ENKUR: variants seen among roughly 807,000 people sequenced by gnomAD.
The protein encoded by ENKUR is enkurin.
ENKUR carries 19 observed loss-of-function variants against 27.6 expected under a neutral mutation model. The ratio of observed to expected loss-of-function variants is 0.69; its 90% confidence interval spans 0.48 to 1.01. The LOEUF (loss-of-function observed/expected upper bound fraction) is 1.01, where lower values mean the gene tolerates loss of function less well. Ranked by LOEUF, ENKUR falls within the 50% of genes least tolerant of loss-of-function variation. The pLI is 0.00. For missense variants in ENKUR, 312 were observed against 310.5 expected (o/e 1.00, Z -0.04); for synonymous variants, 117 against 96.9 (o/e 1.21, Z -1.22).
At chr10:25,033,012 TACTA>T (rs1850954406) in intron 2 of ENKUR, among the ~76,000 whole-genome samples, 1 of 152,208 alleles carries the variant, frequency 6.6e-6, no homozygotes, top group Non-Finnish European at 1.5e-5. Flanking sequence ...ATTAATATAT[TACTA>T]AATGATGATT....
At chr10:25,005,844 C>T (rs1019495879) in intron 1 of ENKUR, among the ~76,000 whole-genome samples, 7 of 152,200 alleles carry the variant, frequency 4.6e-5, no homozygotes, top group African/African-American at 1.7e-4. Context: ...CAGTACCTCT[C>T]ACAAGCTGTT....
chr10:24,990,652 C>A (rs1849907621), intron 3 of ENKUR, 43 bp from the exon 4 acceptor site: 2 of 1,557,430 alleles, frequency 1.3e-6, no homozygotes. Context: ...ATTTTGTATG[C>A]AATCTTACAT....
intron 2 of ENKUR, among the ~76,000 whole-genome samples, chr10:24,997,786 T>C (rs980731719): frequency 2.6e-5 from 4 of 151,034 alleles, no homozygotes; most frequent in African/African-American, 9.9e-5. Flanking sequence ...TCTTCCTTTT[T>C]TCTTATTTGA....
chr10:25,027,813 A>C (rs1850885541), intron 2 of ENKUR, among the ~76,000 whole-genome samples: 2 of 152,096 alleles, frequency 1.3e-5, no homozygotes, highest in Non-Finnish European at 2.9e-5. Flanking sequence ...CACACCATGC[A>C]CTCCAGCCTA....
At chr10:25,018,664 T>G (rs5783913), upstream of ENKUR, among the ~76,000 whole-genome samples, 20,767 of 83,828 alleles carry the variant, frequency 0.25, 3,277 homozygotes, top group African/African-American at 0.5. Flanking sequence ...GAGTTGTTTT[T>G]TTTTTTTTTT....
At chr10:24,988,541 T>G (rs888995189) in intron 4 of ENKUR, among the ~76,000 whole-genome samples, 23 of 147,402 alleles carry the variant, frequency 1.6e-4, no homozygotes, top group Non-Finnish European at 2.5e-4. Flanking sequence ...TCTATGTACA[T>G]GTAGAGATAT....
At chr10:25,056,470 G>T (rs1443285047) in intron 2 of ENKUR, among the ~76,000 whole-genome samples, 1 of 152,142 alleles carries the variant, frequency 6.6e-6, no homozygotes, top group Non-Finnish European at 1.5e-5. Flanking sequence ...GCTTTAAAAA[G>T]GTAGAACTTC....
Position 24,999,455 on chromosome 10 carries a change from G to T in ENKUR, c.169C>A (p.Pro57Thr), listed in dbSNP as rs1850140132. The T allele has an allele frequency of 6.2e-7, 1 of 1,613,284 alleles. No homozygotes were observed. Among genetic ancestry groups the T allele is most frequent in the Non-Finnish European group, 8.5e-7 (1 of 1,179,696 alleles). ...TTCTTTAGGAAATCCTTTGGAGAAG[G>T]TACTTCAACTTTTGCTGGTCCCATA... Reference protein sequence around the residue: ...KTMGPAKVEVPSPKDFLKKHS... With the variant: ...KTMGPAKVEVTSPKDFLKKHS... Residue 57 changes from proline (P) to threonine (T), a missense_variant, in exon 2 of 6, where the codon CCT (proline) becomes ACT (threonine). Physicochemically the swap from Pro to Thr is conservative, Grantham distance 38 (BLOSUM62 -1). Transcript: ENST00000331161.
intron 1 of ENKUR, among the ~76,000 whole-genome samples, chr10:25,005,602 C>A (rs1468217629): frequency 6.6e-6 from 1 of 152,160 alleles, no homozygotes; most frequent in Non-Finnish European, 1.5e-5. Context: ...AGAAAGCTAT[C>A]CAAATTATTT....
chr10:25,034,193 A>G (rs1177740653), intron 2 of ENKUR, among the ~76,000 whole-genome samples: 1 of 152,168 alleles, frequency 6.6e-6, no homozygotes, highest in African/African-American at 2.4e-5. Flanking sequence ...GATTGTTTAT[A>G]TCAGTAAAAT....
intron 2 of ENKUR, among the ~76,000 whole-genome samples, chr10:25,028,987 T>G (rs1201186617): frequency 2.0e-5 from 3 of 152,194 alleles, no homozygotes; most frequent in Non-Finnish European, 4.4e-5. Context: ...TCCAAATTCA[T>G]CCATTCAGAT....
intron 2 of ENKUR, among the ~76,000 whole-genome samples, chr10:25,045,697 CA>C (rs1851114486): frequency 6.6e-6 from 1 of 151,676 alleles, no homozygotes; most frequent in African/African-American, 2.4e-5. Flanking sequence ...TAAGGCAATA[CA>C]AAAAAAGTTA....
chr10:25,049,463 T>A (rs969229913), intron 2 of ENKUR, among the ~76,000 whole-genome samples: 3 of 152,052 alleles, frequency 2.0e-5, no homozygotes, highest in African/African-American at 7.2e-5. Flanking sequence ...CTAGTTAAGT[T>A]GGGGAAATAG....
chr10:25,022,997 C>T (rs1850755516), intron 2 of ENKUR, among the ~76,000 whole-genome samples: 1 of 151,996 alleles, frequency 6.6e-6, no homozygotes, highest in Middle Eastern at 3.2e-3. Context: ...GGATAATATG[C>T]AATATATAAG....
At chr10:25,000,332 A>G (rs1198666250) in intron 1 of ENKUR, among the ~76,000 whole-genome samples, 1 of 152,186 alleles carries the variant, frequency 6.6e-6, no homozygotes, top group Non-Finnish European at 1.5e-5. Flanking sequence ...AATGACAACT[A>G]GGTCAAACTG....
intron 1 of ENKUR, among the ~76,000 whole-genome samples, chr10:25,061,690 C>T (rs550786184): frequency 6.6e-6 from 1 of 152,278 alleles, no homozygotes; most frequent in African/African-American, 2.4e-5. Context: ...CTCCAACCTA[C>T]AAGCTGCCCT....
intron 2 of ENKUR, among the ~76,000 whole-genome samples, chr10:25,027,428 T>C (rs1850878363): frequency 7.0e-6 from 1 of 143,608 alleles, no homozygotes; most frequent in Non-Finnish European, 1.5e-5. Flanking sequence ...TCCCAGCTAC[T>C]TGGGAGGCTG....
In ENKUR at chr10:24,999,465, T is replaced by G. The variant is rs768534772; in HGVS notation, c.159A>C (p.Lys53Asn). ...AATCCTTTGGAGAAGGTACTTCAAC[T>G]TTTGCTGGTCCCATAGTTTTCATTG... The part of the protein sequence containing the change: ...KTAMKTMGPA[K>N]VEVPSPKDFL... The change falls in exon 2 of 6, where the codon AAA (lysine) becomes AAC (asparagine). Residue 53 changes from lysine (K) to asparagine (N), a missense_variant. Transcript: ENST00000331161. 10 of 1,613,404 alleles carry G rather than the reference T, an allele frequency of 6.2e-6. No homozygotes were observed. The highest frequency in any genetic ancestry group is 8.5e-7 in the Non-Finnish European group (1 of 1,179,676).
intron 2 of ENKUR, among the ~76,000 whole-genome samples, chr10:25,060,819 T>C (rs1248743168): frequency 6.6e-6 from 1 of 152,184 alleles, no homozygotes; most frequent in African/African-American, 2.4e-5. Flanking sequence ...GTGATCCTCC[T>C]GCCTCAGCCT....
Sources: allele counts gnomAD v4.1 joint callset (sites outside exome capture counted in the v4.1 genomes callset), GRCh38; gene constraint gnomAD v4.1.1; transcripts MANE v1.5; gene names NCBI Gene and HGNC (gene_info 2026-07-23, HGNC 2026-07-21).